Variants in ATRNL1 observed in about 807,000 individuals in gnomAD.
The protein encoded by ATRNL1 is attractin like 1.
In ATRNL1, 95 loss-of-function variants were observed where a neutral mutation model predicts 182.7. That is an observed-to-expected ratio of 0.52 (90% CI 0.44 to 0.62). ATRNL1 has a LOEUF of 0.62. Among genes scored for constraint, ATRNL1 ranks in the 20% least tolerant of loss-of-function variants. The pLI, the probability that ATRNL1 is intolerant of heterozygous loss-of-function variation, is 0.00. For missense variants in ATRNL1, 1,471 were observed against 1,679.5 expected, an observed-to-expected ratio of 0.88 and a Z score of 2.17; for synonymous variants, 576 against 568.3, an observed-to-expected ratio of 1.01 and a Z score of -0.19.
rs1554873902 is a variant in ATRNL1 at position 115,127,650 on chromosome 10, A to G, written c.549A>G (p.Thr183=). 2 of 1,604,104 alleles carry G rather than the reference A, an allele frequency of 1.2e-6. No individual in the cohort carries two copies. The highest frequency in any genetic ancestry group is 1.7e-6 in the Non-Finnish European group (2 of 1,175,370). ...AAACTGTGCCTGAAGTTGTTACTAC[A>G]TCTGGCTATGCACTGTTACATTTTT... ...GNETVPEVVT[T]SGYALLHFFS... Residue 183 remains threonine, a synonymous_variant, in exon 4 of 29, where the codon ACA becomes ACG. Transcript: ENST00000355044.
At position 115,738,126 on chromosome 10, in the gene ATRNL1, A is replaced by ATTTTTTT. The variant is rs10546896; in HGVS notation, c.3903+10795_3903+10801dup. 6.2e-4 allele frequency among the ~76,000 whole-genome samples: 29 copies of ATTTTTTT among 47,112 alleles called. 4 individuals carry two copies. The highest frequency in any genetic ancestry group is 1.8e-3 in the African/African-American group (28 of 15,228). 30.9% of individuals were successfully genotyped at this position (47,112 alleles called of 152,430 possible). A position where few individuals can be genotyped will look rare whatever the true frequency, so the allele number is the denominator to read the frequency against. On this transcript the variant is annotated intron_variant, in intron 27 of 28. Coordinates refer to ENST00000355044, the MANE Select transcript of ATRNL1 (RefSeq NM_207303.4). The stretch of plus-strand genomic sequence containing the variant: ...ATAAAAAATGATTTAGAAGATAATG[A>ATTTTTTT]TTTTTTTTTTTTTTTTTTTTTTTTT...
intron 19 of ATRNL1, among the ~76,000 whole-genome samples, chr10:115,374,228 C>CT (rs1329441185): frequency 2.0e-5 from 3 of 151,340 alleles, no homozygotes; most frequent in Non-Finnish European, 4.4e-5. Flanking sequence ...TTATATGAAT[C>CT]TTTTTTGTGT....
At chr10:115,262,148 T>G (rs1409986126) in intron 10 of ATRNL1, among the ~76,000 whole-genome samples, 1 of 150,766 alleles carries the variant, frequency 6.6e-6, no homozygotes, top group Non-Finnish European at 1.5e-5. Flanking sequence ...TTCTGGAATA[T>G]GCTTTGGGAA....
intron 21 of ATRNL1, among the ~76,000 whole-genome samples, chr10:115,443,800 T>C (rs1846821471): frequency 6.6e-6 from 1 of 152,098 alleles, no homozygotes; most frequent in South Asian, 2.1e-4. Flanking sequence ...TTGCTACACA[T>C]TCTGTATTTA....
chr10:115,183,741 G>A lies in ATRNL1; in HGVS notation c.1348+12449G>A, dbSNP rs76191554. 3.2e-3 allele frequency among the ~76,000 whole-genome samples: 489 copies of A among 151,566 alleles called. 1 individual carries two copies. Among genetic ancestry groups the A allele is most frequent in the Non-Finnish European group, 5.2e-3 (352 of 67,556 alleles). ...AAATTTAGCAAAATCTTAATAGCTG[G>A]ATAGTCTCAATGCTATGTAGGTTGT... On this transcript the variant is annotated intron_variant, in intron 8 of 28. Coordinates refer to ENST00000355044, the MANE Select transcript of ATRNL1 (RefSeq NM_207303.4).
chr10:115,251,020 C>T (rs551507081), intron 10 of ATRNL1, among the ~76,000 whole-genome samples: 1 of 152,128 alleles, frequency 6.6e-6, no homozygotes, highest in Non-Finnish European at 1.5e-5. Context: ...TATTTTTGAT[C>T]CTCTTTTTTG....
intron 24 of ATRNL1, among the ~76,000 whole-genome samples, chr10:115,495,544 T>C (rs1405640300): frequency 6.6e-6 from 1 of 152,166 alleles, no homozygotes; most frequent in African/African-American, 2.4e-5. Flanking sequence ...TTTCAAAGAA[T>C]TTTCTGATTT....
At chr10:115,811,605 A>G (rs772266244) in intron 27 of ATRNL1, among the ~76,000 whole-genome samples, 5 of 151,976 alleles carry the variant, frequency 3.3e-5, no homozygotes, top group Non-Finnish European at 5.9e-5. Context: ...TGTATATTCT[A>G]TCAGTTTTTG....
intron 27 of ATRNL1, among the ~76,000 whole-genome samples, chr10:115,729,729 T>G (rs1284764052): frequency 1.3e-5 from 2 of 152,152 alleles, no homozygotes; most frequent in Admixed American, 6.6e-5. Context: ...ATTGCCCATC[T>G]CAAATAAAAT....
intron 20 of ATRNL1, among the ~76,000 whole-genome samples, chr10:115,409,221 G>A (rs1554959198): frequency 6.6e-6 from 1 of 151,968 alleles, no homozygotes; most frequent in Admixed American, 6.6e-5. Context: ...CTTTTTATTT[G>A]TTTGCATTCT....
intron 27 of ATRNL1, among the ~76,000 whole-genome samples, chr10:115,787,992 A>C (rs1949436641): frequency 6.6e-6 from 1 of 152,178 alleles, no homozygotes; most frequent in Admixed American, 6.5e-5. Context: ...ATTGTGAGAA[A>C]ATCCATTTCT....
In ATRNL1 at chr10:115,752,461, G is replaced by A. The variant is rs1948474684; in HGVS notation, c.3903+25106G>A. On this transcript the variant is annotated intron_variant, in intron 27 of 28. Transcript: ENST00000355044. ...ACAGTCAAAAACTCCTACCTTCATA[G>A]AGCTTACATGCTTATAAGAATGAGG... 2.0e-5 allele frequency among the ~76,000 whole-genome samples: 3 copies of A among 152,110 alleles called. No homozygotes were observed. In the South Asian group the frequency reaches 6.2e-4, roughly 32 times the overall value.
intron 26 of ATRNL1, among the ~76,000 whole-genome samples, chr10:115,594,780 C>G (rs1856130222): frequency 6.6e-6 from 1 of 152,158 alleles, no homozygotes; most frequent in Non-Finnish European, 1.5e-5. Context: ...GGTGGAATTA[C>G]AGATGTGAGC....
At chr10:115,413,026 G>A (rs991821673) in intron 20 of ATRNL1, among the ~76,000 whole-genome samples, 3 of 152,174 alleles carry the variant, frequency 2.0e-5, no homozygotes, top group South Asian at 2.1e-4. Flanking sequence ...AATCCATAAC[G>A]GATATGCCAA....
At chr10:115,519,231 T>C in intron 24 of ATRNL1, 32 bp from the exon 25 acceptor site, 1 of 1,568,042 alleles carries the variant, frequency 6.4e-7, no homozygotes, top group Non-Finnish European at 8.7e-7. Context: ...GAGAAGAACA[T>C]ACTTTCAATT....
chr10:115,766,978 C>G (rs981173819), intron 27 of ATRNL1, among the ~76,000 whole-genome samples: 3 of 152,170 alleles, frequency 2.0e-5, no homozygotes, highest in Non-Finnish European at 2.9e-5. Context: ...CATTTGCTCT[C>G]TCTACATCAC....
At chr10:115,458,286 T>C (rs190287199) in intron 21 of ATRNL1, among the ~76,000 whole-genome samples, 7 of 152,282 alleles carry the variant, frequency 4.6e-5, no homozygotes, top group Middle Eastern at 3.4e-3. Flanking sequence ...ATCTCCTAGT[T>C]AAGTGGAAAA....
rs201358197 is a variant in ATRNL1, at chr10:115,830,804, C to A, written c.3904-17073C>A. ...GTCATTTCCCATGGAAAACTATGTG[C>A]CTTTGGCCAGTTGTGCTAAGATAAC... On this transcript the variant is annotated intron_variant, in intron 27 of 28. Coordinates refer to ENST00000355044, the MANE Select transcript of ATRNL1 (RefSeq NM_207303.4). Among the ~76,000 whole-genome samples, 1,071 of 152,170 alleles carry A rather than the reference C, an allele frequency of 7.0e-3. 18 individuals are homozygous for A. The highest frequency in any genetic ancestry group is 0.025 in the African/African-American group (1,024 of 41,524).
chr10:115,701,634 G>A (rs1003372068), intron 26 of ATRNL1, among the ~76,000 whole-genome samples: 6 of 151,772 alleles, frequency 4.0e-5, no homozygotes, highest in South Asian at 2.1e-4. Context: ...CCAATCCTGC[G>A]AAAATATAAA....
Sources: gnomAD v4.1 joint callset for allele counts (sites outside exome capture counted in the v4.1 genomes callset) on GRCh38, gnomAD v4.1.1 for gene constraint, MANE v1.5 for transcripts, NCBI Gene and HGNC (gene_info 2026-07-23, HGNC 2026-07-21) for gene names.